PLEKHG5: variants seen among roughly 807,000 people sequenced by gnomAD.
The protein encoded by PLEKHG5 is pleckstrin homology and RhoGEF domain containing G5.
A neutral mutation model predicts 103.8 loss-of-function variants in PLEKHG5; 52 were observed. That is an observed-to-expected ratio of 0.50 (90% CI 0.40 to 0.63). The LOEUF is 0.63. Among genes scored for constraint, PLEKHG5 ranks in the 30% least tolerant of loss-of-function variants. The pLI is 0.00. For synonymous variants in PLEKHG5, 592 were observed against 575.5 expected (o/e 1.03, Z -0.41); for missense variants, 1,205 against 1,347.6 (o/e 0.89, Z 1.66).
In PLEKHG5 at chr1:6,477,566, A is replaced by G. The variant is rs1307479143; in HGVS notation, c.6T>C (p.His2=). Residue 2 remains histidine (H), a synonymous_variant, in exon 2 of 21, where the codon CAT becomes CAC. Transcript: ENST00000377728. ...GGTCGAAGCGGACATGCCCATCATA[A>G]TGCATGGTGCTGTGGAACTTGCTGT... is the stretch of plus-strand genomic sequence containing the variant. M[H]YDGHVRFDLP... is the part of the protein sequence containing the mutation. The G allele has an allele frequency of 6.2e-7, 1 of 1,612,666 alleles. No homozygotes were observed. Among genetic ancestry groups the G allele is most frequent in the Non-Finnish European group, 8.5e-7 (1 of 1,179,982 alleles).
At chr1:6,492,616 C>T (rs988351511), upstream of PLEKHG5, among the ~76,000 whole-genome samples, 2 of 152,122 alleles carry the variant, frequency 1.3e-5, no homozygotes, top group African/African-American at 4.8e-5. Flanking sequence ...TGCACACCTA[C>T]GCTGTGCTAG....
In PLEKHG5 at chr1:6,467,585, G is replaced by A. The variant is rs1170872638; in HGVS notation, c.3012-13C>T. The A allele has an allele frequency of 3.7e-6, 6 of 1,612,798 alleles. No individual in the cohort carries two copies. In the South Asian group the frequency reaches 4.4e-5, roughly 12 times the overall value. On this transcript the variant is annotated splice_polypyrimidine_tract_variant and intron_variant, in intron 20 of 20. Transcript: ENST00000377728. ...TGCTCAGACCTCCCTACAGGGTGGG[G>A]AGGGGACAGAGTCCTTCTTTGGCTG...
At chr1:6,503,202 G>C (rs554125617) in intron 1 of PLEKHG5, among the ~76,000 whole-genome samples, 1 of 152,220 alleles carries the variant, frequency 6.6e-6, no homozygotes, top group East Asian at 1.9e-4. Context: ...GATCATTTTA[G>C]TCCAGATGCT....
Position 6,467,945 on chromosome 1 carries a change from GC to G in PLEKHG5, c.2890del (p.Ala964ProfsTer20). The G allele has an allele frequency of 1.3e-6, 2 of 1,574,788 alleles. No individual in the cohort carries two copies. On this transcript the variant is annotated frameshift_variant, in exon 20 of 21. Transcript: ENST00000377728. LOFTEE classifies it high-confidence loss of function. ...GGGCTCAGGCTGGACCCTGGGAGAG[GC>G]CCCCGAGGGCAGGTCTCCACACCTC... ...RKRCGDLPSGASPRVQPEPPP... is the reference protein window; with the variant it reads ...RKRCGDLPSGXSPRVQPEPPP...
intron 1 of PLEKHG5, among the ~76,000 whole-genome samples, chr1:6,506,968 C>T (rs370844144): frequency 5.9e-5 from 9 of 152,194 alleles, no homozygotes; most frequent in African/African-American, 1.9e-4. Context: ...TGCTCCCGAG[C>T]GGCGGGTGGA....
rs1638662465 is a variant in PLEKHG5, at chr1:6,517,725, C to G, written c.-165+1720G>C. ...TCTGTCGGGCCAGCCATCAGGGAGA[C>G]AGAGATAAAGGTTGGAACAGGCTCA... On this transcript the variant is annotated intron_variant, in intron 1 of 21. Transcript: ENST00000377740. Among the ~76,000 whole-genome samples, 5 of 152,130 alleles carry G rather than the reference C, an allele frequency of 3.3e-5. No homozygotes were observed. The South Asian group carries it at 1.0e-3, about 31-fold the overall frequency.
chr1:6,481,612 C>T (rs1644905008), intron 1 of PLEKHG5, among the ~76,000 whole-genome samples: 1 of 150,162 alleles, frequency 6.7e-6, no homozygotes. Context: ...GCCTGTAATC[C>T]CCAGCACTTT....
chr1:6,519,134 G>A (rs544687784), intron 1 of PLEKHG5, among the ~76,000 whole-genome samples: 8 of 152,322 alleles, frequency 5.3e-5, no homozygotes, highest in East Asian at 3.9e-4. Context: ...GAGCCACTGC[G>A]CCCAGCAACC....
chr1:6,484,648 C>T (rs1379611386), intron 1 of PLEKHG5, among the ~76,000 whole-genome samples: 1 of 152,150 alleles, frequency 6.6e-6, no homozygotes, highest in Non-Finnish European at 1.5e-5. Flanking sequence ...GCGGAATGGC[C>T]CCTTCTTGAA....
rs145269767 is a variant in PLEKHG5, at chr1:6,481,112, G to C, written c.-87-3454C>G. 4.5e-4 allele frequency among the ~76,000 whole-genome samples: 68 copies of C among 152,170 alleles called. No individual in the cohort carries two copies. In the East Asian group the frequency reaches 9.1e-3, roughly 20 times the overall value. On this transcript the variant is annotated intron_variant, in intron 1 of 20. Coordinates refer to ENST00000377728, the MANE Select transcript of PLEKHG5 (RefSeq NM_020631.6). ...AGATGACAACAATGGCCTCAAAACT[G>C]GCCTCACTGCTACCCCCATCCCCCA...
At chr1:6,485,025 C>T (rs1287027868) in intron 1 of PLEKHG5, among the ~76,000 whole-genome samples, 3 of 152,164 alleles carry the variant, frequency 2.0e-5, no homozygotes, top group Non-Finnish European at 1.5e-5. Context: ...AGGAGAGGGG[C>T]GGCCCAGCAT....
At chr1:6,474,705 C>G (rs997674447) in intron 5 of PLEKHG5, 118 bp from the exon 6 acceptor site, 1 of 1,037,634 alleles carries the variant, frequency 9.6e-7, no homozygotes, top group Non-Finnish European at 1.4e-6. Context: ...ACCTTCCCAA[C>G]GGAAAAGGGA....
chr1:6,519,778 G>A (rs1217754593), exon 1 of PLEKHG5: 18 of 579,728 alleles, frequency 3.1e-5, no homozygotes, highest in Admixed American at 9.0e-5. Flanking sequence ...CACAGACTTC[G>A]CAGCCGCCGC....
intron 7 of PLEKHG5, 22 bp downstream of exon 7, chr1:6,473,991 T>G: frequency 1.6e-4 from 75 of 474,224 alleles, no homozygotes; most frequent in Non-Finnish European, 2.5e-4. Context: ...CCCCCTCCCC[T>G]GACACACCCC....
In PLEKHG5 at chr1:6,468,596, C is replaced by T; in HGVS notation, c.2250-10G>A. 2 of 1,612,880 alleles carry T rather than the reference C, an allele frequency of 1.2e-6. No individual in the cohort carries two copies. The highest frequency in any genetic ancestry group is 1.7e-6 in the Non-Finnish European group (2 of 1,179,912). ...GGAGCCATCTGAGGCACTGTGGGGC[C>T]AGGAGCAGAGTCAGCCCAGGCCATG... is the stretch of plus-strand genomic sequence containing the variant. On this transcript the variant is annotated splice_polypyrimidine_tract_variant and intron_variant, in intron 19 of 20. Transcript: ENST00000377728.
Position 6,477,644 on chromosome 1 carries a change from G to A in PLEKHG5, c.-73C>T, listed in dbSNP as rs189176513. On this transcript the variant is annotated 5_prime_UTR_variant, in exon 2 of 21. The change creates a premature stop within an existing upstream ORF in the 5' untranslated region. Coordinates refer to ENST00000377728, the MANE Select transcript of PLEKHG5 (RefSeq NM_020631.6). ...CCCGGCGGTGCAGCTGCTGGCAGTC[G>A]GCGTGGTGACATACCTGGGGTGGGG... 157 of 1,605,418 alleles carry A rather than the reference G, an allele frequency of 9.8e-5. No individual in the cohort carries two copies. The African/African-American group carries it at 1.5e-3, about 15-fold the overall frequency.
rs1462415102 is a variant in PLEKHG5, at chr1:6,505,529, G to T, written c.-164-8960C>A. Among the ~76,000 whole-genome samples, 1 of 152,108 alleles carries T rather than the reference G, an allele frequency of 6.6e-6. No homozygotes were observed. The highest frequency in any genetic ancestry group is 1.5e-5 in the Non-Finnish European group (1 of 68,024). On this transcript the variant is annotated intron_variant, in intron 1 of 21. Transcript: ENST00000377740. The surrounding 1 kb of genome is among the most constrained non-coding windows in gnomAD (Gnocchi z 4.2). ...CCCACCCCTCTAAACACAAGCCACGGGGCTCAGCGTCCCCGAGAGCTCATC... is the reference window on the plus strand; with the variant it reads ...CCCACCCCTCTAAACACAAGCCACGTGGCTCAGCGTCCCCGAGAGCTCATC...
chr1:6,473,278 G>A lies in PLEKHG5; in HGVS notation c.768C>T (p.Ser256=), dbSNP rs780935962. ...GGCCAAAGGCGCTGGTGCTGGGGCC[G>A]GAGCTGAAAAAGCCGCTGAAGCGAC... ...AASRFSGFFS[S]GPSTSAFGRE... The change falls in exon 8 of 21, where the codon TCC becomes TCT. Residue 256 remains serine (S), a synonymous_variant. Coordinates refer to ENST00000377728, the MANE Select transcript of PLEKHG5 (RefSeq NM_020631.6). 4.4e-5 allele frequency: 70 copies of A among 1,604,986 alleles called. No homozygotes were observed. The highest frequency in any genetic ancestry group is 1.3e-4 in the South Asian group (12 of 90,128).
chr1:6,500,529 C>T (rs1453657489), upstream of PLEKHG5, among the ~76,000 whole-genome samples: 11 of 151,468 alleles, frequency 7.3e-5, no homozygotes, highest in African/African-American at 1.9e-4. Flanking sequence ...CTCCCCCCTC[C>T]GCTAAGCAAA....
Sources: allele counts gnomAD v4.1 joint callset (sites outside exome capture counted in the v4.1 genomes callset), GRCh38; gene constraint gnomAD v4.1.1; non-coding constraint Gnocchi (gnomAD v3.1); transcripts MANE v1.5; gene names NCBI Gene and HGNC (gene_info 2026-07-23, HGNC 2026-07-21).